Variants in TRPM3 observed in about 807,000 individuals in gnomAD.
The protein encoded by TRPM3 is long transient receptor potential channel 3.
Under a neutral mutation model 181.2 loss-of-function variants are expected in TRPM3, and 77 were observed. That is an observed-to-expected ratio of 0.42 (90% CI 0.35 to 0.51). TRPM3 has a LOEUF of 0.51. Among genes scored for constraint, TRPM3 ranks in the 20% least tolerant of loss-of-function variants. The pLI, the probability that TRPM3 is intolerant of heterozygous loss-of-function variation, is 0.01. For synonymous variants in TRPM3, 745 were observed against 796.4 expected (o/e 0.94, Z 1.09); for missense variants, 1,759 against 2,196.7 (o/e 0.80, Z 3.98).
At chr9:70,834,264 G>A (rs2131824788) in intron 5 of TRPM3, among the ~76,000 whole-genome samples, 1 of 152,280 alleles carries the variant, frequency 6.6e-6, no homozygotes, top group South Asian at 2.1e-4. Context: ...GCAGCACTTT[G>A]AAAATGTGTC....
chr9:70,563,638 T>C (rs955612440), intron 22 of TRPM3, among the ~76,000 whole-genome samples: 2 of 152,152 alleles, frequency 1.3e-5, no homozygotes, highest in African/African-American at 4.8e-5. Flanking sequence ...TGATGGCATG[T>C]ACTTAAAGAA....
chr9:70,624,364 T>C (rs1161869462), intron 14 of TRPM3, among the ~76,000 whole-genome samples: 2 of 152,138 alleles, frequency 1.3e-5, no homozygotes, highest in Admixed American at 6.5e-5. Context: ...GGCACTATAA[T>C]AGTATAATAC....
chr9:71,088,352 T>C (rs2065642072), intron 1 of TRPM3, among the ~76,000 whole-genome samples: 1 of 151,996 alleles, frequency 6.6e-6, no homozygotes, highest in African/African-American at 2.4e-5. Flanking sequence ...TTTTATGAAA[T>C]GGGAACAGTG....
chr9:71,256,833 T>C (rs1226941185), intron 1 of TRPM3, among the ~76,000 whole-genome samples: 1 of 152,058 alleles, frequency 6.6e-6, no homozygotes, highest in Non-Finnish European at 1.5e-5. Context: ...AATTTGAAGG[T>C]TTAGAGAGGC....
At chr9:70,847,804 C>A (rs2095043825) in intron 3 of TRPM3, among the ~76,000 whole-genome samples, 1 of 152,262 alleles carries the variant, frequency 6.6e-6, no homozygotes, top group South Asian at 2.1e-4. Context: ...TCTATATTCA[C>A]ACTATCAGTG....
intron 3 of TRPM3, among the ~76,000 whole-genome samples, chr9:70,850,291 G>A (rs1290150760): frequency 6.6e-6 from 1 of 152,116 alleles, no homozygotes; most frequent in South Asian, 2.1e-4. Context: ...CACACAAGGA[G>A]CATTCAGGCA....
At chr9:70,989,737 A>C (rs1490581032) in intron 1 of TRPM3, among the ~76,000 whole-genome samples, 11 of 152,136 alleles carry the variant, frequency 7.2e-5, no homozygotes, top group Non-Finnish European at 1.5e-4. Context: ...CATTCATCCT[A>C]ATTATATCTT....
intron 1 of TRPM3, among the ~76,000 whole-genome samples, chr9:71,078,734 G>A (rs2063804792): frequency 6.6e-6 from 1 of 152,150 alleles, no homozygotes; most frequent in Admixed American, 6.6e-5. Context: ...TCTCTCTGCT[G>A]GCAAGGCCTA....
intron 5 of TRPM3, among the ~76,000 whole-genome samples, chr9:70,837,909 G>T (rs1221991840): frequency 1.3e-5 from 2 of 152,110 alleles, no homozygotes; most frequent in Non-Finnish European, 2.9e-5. Flanking sequence ...TAAGGAAATG[G>T]GCATTAGAGA....
At chr9:70,770,811 T>C (rs1324905152) in intron 7 of TRPM3, among the ~76,000 whole-genome samples, 4 of 152,196 alleles carry the variant, frequency 2.6e-5, no homozygotes, top group African/African-American at 9.7e-5. Flanking sequence ...GTTGTTATTA[T>C]TAAGAACATT....
At position 71,207,818 on chromosome 9, in the gene TRPM3, G is replaced by A. The variant is rs1165028718; in HGVS notation, c.183+238835C>T. Among the ~76,000 whole-genome samples the A allele has an allele frequency of 2.0e-5, 3 of 152,076 alleles. No homozygotes were observed. The East Asian group carries it at 5.8e-4, about 29-fold the overall frequency. On this transcript the variant is annotated intron_variant, in intron 1 of 24. Coordinates refer to the TRPM3 transcript ENST00000357533. ...TGAAAACTCAATATAAAAGAACATA[G>A]ACAGTTGCTATATTTCAATCTCTTT...
intron 1 of TRPM3, among the ~76,000 whole-genome samples, chr9:71,383,187 C>T (rs1291545345): frequency 6.6e-6 from 1 of 152,148 alleles, no homozygotes; most frequent in Non-Finnish European, 1.5e-5. Flanking sequence ...CCAACTGATA[C>T]ATACACATAT....
chr9:70,980,992 T>C (rs192396442), intron 1 of TRPM3, among the ~76,000 whole-genome samples: 2 of 152,344 alleles, frequency 1.3e-5, no homozygotes, highest in African/African-American at 4.8e-5. Flanking sequence ...TGAGTATGCA[T>C]ACACACTCAC....
At chr9:71,049,219 C>T (rs2059795448) in intron 1 of TRPM3, among the ~76,000 whole-genome samples, 1 of 151,994 alleles carries the variant, frequency 6.6e-6, no homozygotes, top group Non-Finnish European at 1.5e-5. Flanking sequence ...AGGCACAACC[C>T]GACTCCCTCA....
At chr9:71,221,716 T>A (rs747804662) in intron 1 of TRPM3, among the ~76,000 whole-genome samples, 1 of 152,168 alleles carries the variant, frequency 6.6e-6, no homozygotes, top group African/African-American at 2.4e-5. Context: ...CTTGGCCAGG[T>A]CACGGGACTA....
rs116387926 is a variant in TRPM3, at chr9:71,344,120, G to A, written c.183+102533C>T. On this transcript the variant is annotated intron_variant, in intron 1 of 24. Transcript: ENST00000357533. ...ATGATAACTGATGAATGTGGAGTAGGTTGAAAATCTGTCATTTTAAACCAC... is the reference window on the plus strand; with the variant it reads ...ATGATAACTGATGAATGTGGAGTAGATTGAAAATCTGTCATTTTAAACCAC... 8.3e-3 allele frequency among the ~76,000 whole-genome samples: 1,262 copies of A among 152,140 alleles called. 22 individuals are homozygous for A. Among genetic ancestry groups the A allele is most frequent in the African/African-American group, 0.028 (1,183 of 41,510 alleles).
chr9:71,288,865 ACCT>A (rs2085528863), intron 1 of TRPM3, among the ~76,000 whole-genome samples: 1 of 151,832 alleles, frequency 6.6e-6, no homozygotes, highest in African/African-American at 2.4e-5. Flanking sequence ...CAAAAATAAA[ACCT>A]CCTGTAGAGA....
At position 71,059,010 on chromosome 9, in the gene TRPM3, C is replaced by CTTT. The variant is rs1491270019; in HGVS notation, c.177+62167_177+62168insAAA. 2.6e-3 allele frequency among the ~76,000 whole-genome samples: 41 copies of CTTT among 15,922 alleles called. 1 individual carries two copies. The highest frequency in any genetic ancestry group is 9.0e-3 in the African/African-American group (38 of 4,204). The allele number at this position is 15,922 out of a possible 152,430, so 10.4% of individuals were successfully genotyped here. ...AATTTCTCTGAAGTTTTTGTTTGTTCATTTTTTTTTTTTTTTTTTTTTTTT... is the reference window on the plus strand; with the variant it reads ...AATTTCTCTGAAGTTTTTGTTTGTTCTTTATTTTTTTTTTTTTTTTTTTTTTTT... On this transcript the variant is annotated intron_variant, in intron 1 of 25. Transcript: ENST00000677713.
At chr9:70,692,343 G>A (rs1222813348) in intron 8 of TRPM3, among the ~76,000 whole-genome samples, 1 of 152,198 alleles carries the variant, frequency 6.6e-6, no homozygotes, top group Middle Eastern at 3.2e-3. Flanking sequence ...CTTTATGTAT[G>A]AGTCCTGTTC....
Sources: allele counts gnomAD v4.1 joint callset (sites outside exome capture counted in the v4.1 genomes callset), GRCh38; gene constraint gnomAD v4.1.1; transcripts MANE v1.5; gene names NCBI Gene and HGNC (gene_info 2026-07-23, HGNC 2026-07-21).